The following SHISA9 variants were observed in gnomAD, a reference collection of about 807,000 sequenced individuals.
SHISA9 encodes the protein shisa family member 9.
In SHISA9, 13 loss-of-function variants were observed where a neutral mutation model predicts 38.0. The ratio of observed to expected loss-of-function variants is 0.34; its 90% CI spans 0.22 to 0.54. The LOEUF (loss-of-function observed/expected upper bound fraction) is 0.54. Ranked by LOEUF, SHISA9 falls within the 20% of genes least tolerant of loss-of-function variation. The pLI is 0.91. For synonymous variants in SHISA9, 275 were observed against 242.0 expected, an observed-to-expected ratio of 1.14 and a Z score of -1.27; for missense variants, 538 against 575.8, an observed-to-expected ratio of 0.93 and a Z score of 0.67.
the SHISA9 span, among the ~76,000 whole-genome samples, chr16:13,450,472 A>G: frequency 6.6e-6 from 1 of 152,186 alleles, no homozygotes; most frequent in African/African-American, 2.4e-5. Context: ...TTCAACTTTC[A>G]TGGGTCTCCT....
the SHISA9 span, among the ~76,000 whole-genome samples, chr16:13,470,244 A>C: frequency 2.6e-5 from 4 of 152,224 alleles, no homozygotes; most frequent in Non-Finnish European, 5.9e-5. Context: ...GTTAATTCTG[A>C]AAGTTGCTTT....
At chr16:13,285,474 T>G in the SHISA9 span, among the ~76,000 whole-genome samples, 119 of 149,304 alleles carry the variant, frequency 8.0e-4, no homozygotes, top group African/African-American at 2.8e-3. Context: ...TTTTTTTTTT[T>G]TTTTTTTTTT....
the SHISA9 span, among the ~76,000 whole-genome samples, chr16:13,428,773 G>GTTTTTTTTTTT: frequency 2.8e-5 from 4 of 145,330 alleles, no homozygotes; most frequent in Admixed American, 6.8e-5. Context: ...TTGTTTTATT[G>GTTTTTTTTTTT]TTTTTTTTTT....
At chr16:13,107,047 A>G (rs913143586) in intron 2 of SHISA9, among the ~76,000 whole-genome samples, 3 of 151,650 alleles carry the variant, frequency 2.0e-5, no homozygotes, top group Non-Finnish European at 2.9e-5. Context: ...AATGAGTTAA[A>G]TTTTTATTCG....
intron 2 of SHISA9, among the ~76,000 whole-genome samples, chr16:13,019,902 T>C (rs1254313552): frequency 1.0e-4 from 5 of 48,280 alleles, no homozygotes; most frequent in East Asian, 4.6e-4. Context: ...TTTCTTTCTT[T>C]CTTTCTTTCT....
chr16:12,979,537 G>C (rs1026220751), intron 2 of SHISA9, among the ~76,000 whole-genome samples: 1 of 151,986 alleles, frequency 6.6e-6, no homozygotes, highest in Non-Finnish European at 1.5e-5. Flanking sequence ...CATCAGTCTT[G>C]GTTCGTCATT....
chr16:13,199,350 T>A (rs959542109), intron 2 of SHISA9, among the ~76,000 whole-genome samples: 5 of 152,210 alleles, frequency 3.3e-5, no homozygotes, highest in Non-Finnish European at 7.3e-5. Flanking sequence ...AATTGTTGTT[T>A]GAAATTTCTG....
chr16:13,490,078 A>G, the SHISA9 span, among the ~76,000 whole-genome samples: 2 of 152,326 alleles, frequency 1.3e-5, no homozygotes, highest in East Asian at 1.9e-4. Flanking sequence ...CATAGTAGAC[A>G]TACAAGATAG....
At chr16:13,522,610 A>G in the SHISA9 span, among the ~76,000 whole-genome samples, 1 of 152,126 alleles carries the variant, frequency 6.6e-6, no homozygotes, top group African/African-American at 2.4e-5. Context: ...ATAAGAGCAG[A>G]CAGATTCTGA....
the SHISA9 span, among the ~76,000 whole-genome samples, chr16:13,376,324 G>T: frequency 3.9e-5 from 6 of 152,302 alleles, no homozygotes; most frequent in East Asian, 1.2e-3. Context: ...ATAATAATTT[G>T]GAGGTCTAGT....
At chr16:13,054,745 C>T (rs1181065947) in intron 2 of SHISA9, among the ~76,000 whole-genome samples, 1 of 152,184 alleles carries the variant, frequency 6.6e-6, no homozygotes, top group Non-Finnish European at 1.5e-5. Context: ...ACACGGGCTG[C>T]TTCTGGCCTC....
the SHISA9 span, among the ~76,000 whole-genome samples, chr16:13,423,447 T>C: frequency 5.3e-5 from 8 of 152,230 alleles, no homozygotes; most frequent in Admixed American, 1.3e-4. Flanking sequence ...TTTCATTTTA[T>C]AACCTCTGTA....
At chr16:13,530,639 C>G in the SHISA9 span, among the ~76,000 whole-genome samples, 1 of 151,946 alleles carries the variant, frequency 6.6e-6, no homozygotes. Context: ...ACAACACCAC[C>G]TACCTATAGT....
intron 1 of SHISA9, among the ~76,000 whole-genome samples, chr16:12,914,247 T>C (rs2071224793): frequency 6.6e-6 from 1 of 152,066 alleles, no homozygotes; most frequent in Non-Finnish European, 1.5e-5. Context: ...GGTTTCACCA[T>C]GTTGGTCGGG....
At chr16:13,043,079 C>T (rs1342121417) in intron 2 of SHISA9, among the ~76,000 whole-genome samples, 3 of 152,146 alleles carry the variant, frequency 2.0e-5, no homozygotes, top group Non-Finnish European at 4.4e-5. Context: ...TAGAGGTAGA[C>T]ATGGGATGCT....
At chr16:13,366,011 T>A in the SHISA9 span, among the ~76,000 whole-genome samples, 1 of 152,216 alleles carries the variant, frequency 6.6e-6, no homozygotes, top group East Asian at 1.9e-4. Flanking sequence ...CCTTCTAGTT[T>A]GCCTGGAATT....
intron 2 of SHISA9, among the ~76,000 whole-genome samples, chr16:13,121,824 TACACACATACACAC>T (rs1490955514): frequency 2.2e-5 from 2 of 90,296 alleles, no homozygotes; most frequent in African/African-American, 1.0e-4. Context: ...TAAACACCTA[TACACACATACACAC>T]ACACACACAC....
chr16:13,278,144 G>A, the SHISA9 span, among the ~76,000 whole-genome samples: 2 of 151,888 alleles, frequency 1.3e-5, no homozygotes, highest in East Asian at 3.9e-4. Context: ...GGATTTTGTC[G>A]AATGCTTTTT....
At chr16:13,374,170 T>C in the SHISA9 span, among the ~76,000 whole-genome samples, 1 of 149,982 alleles carries the variant, frequency 6.7e-6, no homozygotes, top group Non-Finnish European at 1.5e-5. Context: ...TTTTTTTTCT[T>C]TTTTTTTTTA....
Sources: allele counts gnomAD v4.1 joint callset (sites outside exome capture counted in the v4.1 genomes callset), GRCh38; gene constraint gnomAD v4.1.1; transcripts MANE v1.5; gene names NCBI Gene and HGNC (gene_info 2026-07-23, HGNC 2026-07-21).